The following PDE3A variants were observed in gnomAD, a reference collection of about 807,000 sequenced individuals.
PDE3A encodes cGMP-inhibited 3',5'-cyclic phosphodiesterase 3A.
Under a neutral mutation model 98.3 loss-of-function variants are expected in PDE3A, and 43 were observed. The ratio of observed to expected loss-of-function variants is 0.44; its 90% CI spans 0.34 to 0.56. The LOEUF is 0.56. Among genes scored for constraint, PDE3A ranks in the 20% least tolerant of loss-of-function variants. The pLI, the probability that PDE3A is intolerant of heterozygous loss-of-function variation, is 0.01. For synonymous variants in PDE3A, 663 were observed against 567.9 expected (o/e 1.17, Z -2.38); for missense variants, 1,427 against 1,440.7 (o/e 0.99, Z 0.15).
chr12:20,490,363 G>A (rs1945807467), intron 1 of PDE3A, among the ~76,000 whole-genome samples: 1 of 152,198 alleles, frequency 6.6e-6, no homozygotes, highest in Non-Finnish European at 1.5e-5. Context: ...ATTCCAAAGT[G>A]TCTAGTGATG....
intron 5 of PDE3A, among the ~76,000 whole-genome samples, chr12:20,625,637 A>G (rs986925100): frequency 1.3e-5 from 2 of 152,156 alleles, no homozygotes; most frequent in African/African-American, 4.8e-5. Flanking sequence ...TTAAAATTAA[A>G]CTGAGAGAGT....
chr12:20,534,653 C>T (rs1003991298), intron 1 of PDE3A, among the ~76,000 whole-genome samples: 3 of 152,034 alleles, frequency 2.0e-5, no homozygotes, highest in African/African-American at 2.4e-5. Context: ...CATTTTCTGG[C>T]GCTGTTAAGG....
At chr12:20,370,297 A>G (rs1033851743) in intron 1 of PDE3A, 53 bp downstream of exon 1, 2 of 1,466,950 alleles carry the variant, frequency 1.4e-6, no homozygotes, top group Non-Finnish European at 1.8e-6. Flanking sequence ...ACACTTGGCA[A>G]CCGGCGCAGA....
At chr12:20,439,254 C>G (rs1332323888) in intron 1 of PDE3A, among the ~76,000 whole-genome samples, 1 of 152,114 alleles carries the variant, frequency 6.6e-6, no homozygotes, top group Non-Finnish European at 1.5e-5. Flanking sequence ...GAAAGGTTCA[C>G]TTTTTGAAGA....
Position 20,440,368 on chromosome 12 carries a change from C to T in PDE3A, c.960+70124C>T, listed in dbSNP as rs373923482. ...TATAGTGAAAAGTTTGTGAAGTAGA[C>T]GTTAATATTCAAAGCCCATTTCAGA... On this transcript the variant is annotated intron_variant, in intron 1 of 15. Coordinates refer to ENST00000359062, the MANE Select transcript of PDE3A (RefSeq NM_000921.5). Among the ~76,000 whole-genome samples, 10 of 152,178 alleles carry T rather than the reference C, an allele frequency of 6.6e-5. 1 individual carries two copies. The East Asian group carries it at 1.5e-3, about 24-fold the overall frequency.
intron 1 of PDE3A, among the ~76,000 whole-genome samples, chr12:20,534,576 A>C (rs995250645): frequency 7.2e-5 from 11 of 152,194 alleles, no homozygotes; most frequent in African/African-American, 2.7e-4. Context: ...ACAAACCTTC[A>C]CACTAATCTG....
In PDE3A at chr12:20,552,480, C is replaced by T. The variant is rs1942239136; in HGVS notation, c.961-4180C>T. ...AAGGCTACCTGGAAGCCCTGGCCAA[C>T]CGAGAGCGAGAGAAGGAGAACAGCA... On this transcript the variant is annotated intron_variant, in intron 1 of 15. Transcript: ENST00000359062. The surrounding 1 kb of genome is among the most constrained non-coding windows in gnomAD (Gnocchi z 5.1). 1 of 1,612,790 alleles carries T rather than the reference C, an allele frequency of 6.2e-7. No individual in the cohort carries two copies. Among genetic ancestry groups the T allele is most frequent in the South Asian group, 1.1e-5 (1 of 90,958 alleles).
At chr12:20,371,536 C>CCA in intron 1 of PDE3A, 3 of 826,260 alleles carry the variant, frequency 3.6e-6, no homozygotes, top group Non-Finnish European at 4.4e-6. Flanking sequence ...TAAGAAATAG[C>CCA]AGTCACCATA....
intron 2 of PDE3A, among the ~76,000 whole-genome samples, chr12:20,566,258 G>T (rs1308110728): frequency 6.6e-6 from 1 of 151,028 alleles, no homozygotes; most frequent in Non-Finnish European, 1.5e-5. Context: ...AGCGATTCTT[G>T]GAAAACTCTT....
Position 20,678,831 on chromosome 12 carries a change from A to C in PDE3A, c.3185-1199A>C, listed in dbSNP as rs573189521. On this transcript the variant is annotated intron_variant, in intron 15 of 15. Transcript: ENST00000359062. ...ACCCATTGGCCAGTCACTGTGAAACAATTTTGTAGACTGGTTGTGAGGGCA... is the reference window on the plus strand; with the variant it reads ...ACCCATTGGCCAGTCACTGTGAAACCATTTTGTAGACTGGTTGTGAGGGCA... Among the ~76,000 whole-genome samples the C allele has an allele frequency of 2.0e-5, 3 of 152,304 alleles. No homozygotes were observed. The South Asian group carries it at 6.2e-4, about 32-fold the overall frequency.
chr12:20,458,300 T>C (rs2120915269), intron 1 of PDE3A, among the ~76,000 whole-genome samples: 1 of 152,238 alleles, frequency 6.6e-6, no homozygotes, highest in South Asian at 2.1e-4. Flanking sequence ...ATTGAGTTTG[T>C]TGCCACTATT....
chr12:20,609,566 T>C (rs1167616701), intron 2 of PDE3A, among the ~76,000 whole-genome samples: 2 of 152,036 alleles, frequency 1.3e-5, no homozygotes, highest in Admixed American at 6.6e-5. Context: ...AAAATTTGTA[T>C]GAAACCACAA....
intron 2 of PDE3A, among the ~76,000 whole-genome samples, chr12:20,598,245 C>T (rs976991941): frequency 3.3e-5 from 5 of 151,642 alleles, no homozygotes; most frequent in African/African-American, 1.2e-4. Flanking sequence ...TGCAATGGCG[C>T]GATCTCAGCT....
At chr12:20,676,703 G>A (rs1208838526) in intron 15 of PDE3A, among the ~76,000 whole-genome samples, 1 of 152,156 alleles carries the variant, frequency 6.6e-6, no homozygotes, top group South Asian at 2.1e-4. Context: ...GTTTCACCGT[G>A]TTAGGCAGGA....
chr12:20,370,336 AAGGGAAG>A (rs1312726077), intron 1 of PDE3A, 92 bp downstream of exon 1: 91 of 1,104,904 alleles, frequency 8.2e-5, no homozygotes, highest in Non-Finnish European at 1.0e-4. Flanking sequence ...CTGGGAACTA[AAGGGAAG>A]ATAGCCTAGA....
intron 15 of PDE3A, among the ~76,000 whole-genome samples, chr12:20,678,303 C>T (rs1228464996): frequency 4.6e-5 from 7 of 152,086 alleles, no homozygotes; most frequent in Admixed American, 4.6e-4. Context: ...TTACCTTAGG[C>T]ATTTCCTGTA....
intron 1 of PDE3A, among the ~76,000 whole-genome samples, chr12:20,372,452 C>G (rs959780430): frequency 6.6e-6 from 1 of 151,880 alleles, no homozygotes; most frequent in Non-Finnish European, 1.5e-5. Context: ...TTATATATGA[C>G]CCATTAAAAG....
At chr12:20,624,576 G>C (rs1173052404) in intron 5 of PDE3A, among the ~76,000 whole-genome samples, 1 of 152,132 alleles carries the variant, frequency 6.6e-6, no homozygotes, top group Non-Finnish European at 1.5e-5. Context: ...AAGTGCATAA[G>C]GCATTTCTAT....
intron 2 of PDE3A, among the ~76,000 whole-genome samples, chr12:20,603,048 G>GAGTT (rs1943629252): frequency 6.6e-6 from 1 of 152,176 alleles, no homozygotes. Flanking sequence ...CCCAGAGAAA[G>GAGTT]AGTTGGAGGG....
Sources: allele counts gnomAD v4.1 joint callset (sites outside exome capture counted in the v4.1 genomes callset), GRCh38; gene constraint gnomAD v4.1.1; non-coding constraint Gnocchi (gnomAD v3.1); transcripts MANE v1.5; gene names NCBI Gene and HGNC (gene_info 2026-07-23, HGNC 2026-07-21).